The following NQO1 variants were observed in gnomAD, a reference collection of about 807,000 sequenced individuals.
NQO1 encodes the protein NAD(P)H quinone dehydrogenase 1.
Under a neutral mutation model 32.1 loss-of-function variants are expected in NQO1, and 30 were observed. The observed-to-expected ratio is 0.94, with a 90% CI of 0.70 to 1.27. The LOEUF is 1.27. NQO1 is among the 50% of genes most tolerant of loss of function. The pLI, the probability that NQO1 is intolerant of heterozygous loss-of-function variation, is 0.00. For missense variants in NQO1, 276 were observed against 331.3 expected (o/e 0.83, Z 1.30); for synonymous variants, 109 against 119.7 (o/e 0.91, Z 0.59).
At chr16:69,712,194 T>C (rs2038050567) in intron 5 of NQO1, among the ~76,000 whole-genome samples, 1 of 151,876 alleles carries the variant, frequency 6.6e-6, no homozygotes, top group African/African-American at 2.4e-5. Flanking sequence ...TCTCTCACTT[T>C]AGACTCCCAA....
In NQO1 at chr16:69,718,733, A is replaced by G. The variant is rs534499002; in HGVS notation, c.8-199T>C. Among the ~76,000 whole-genome samples the G allele has an allele frequency of 1.6e-4, 25 of 152,350 alleles. No homozygotes were observed. The South Asian group carries it at 4.8e-3, about 29-fold the overall frequency. The stretch of plus-strand genomic sequence containing the variant: ...AAGGAAGCATTTAAATCAGTGGCTG[A>G]TTTAATAAATAATGTTGACAACTGG... On this transcript the variant is annotated intron_variant, in intron 1 of 5. Coordinates refer to ENST00000320623, the MANE Select transcript of NQO1 (RefSeq NM_000903.3).
At position 69,726,528 on chromosome 16, in the gene NQO1, G is replaced by A. The variant is rs572660809; in HGVS notation, c.-89C>T. 5.8e-6 allele frequency: 9 copies of A among 1,559,070 alleles called. No individual in the cohort carries two copies. Among genetic ancestry groups the A allele is most frequent in the African/African-American group, 2.7e-5 (2 of 73,464 alleles). On this transcript the variant is annotated 5_prime_UTR_variant, in exon 1 of 6. Coordinates refer to ENST00000320623, the MANE Select transcript of NQO1 (RefSeq NM_000903.3). ...GAACTAGGCTCTCGGTGAGCTGGGC[G>A]GCTCCGGCTGCAACCTTGTGGGAGT...
At chr16:69,712,452 C>T (rs749057668) in intron 5 of NQO1, among the ~76,000 whole-genome samples, 5 of 152,116 alleles carry the variant, frequency 3.3e-5, no homozygotes, top group Non-Finnish European at 7.3e-5. Flanking sequence ...GAGACCAGGG[C>T]CCACGGCTAT....
chr16:69,719,956 T>A (rs1054496253), intron 1 of NQO1, among the ~76,000 whole-genome samples: 6 of 151,628 alleles, frequency 4.0e-5, no homozygotes, highest in Admixed American at 1.3e-4. Context: ...TAAAAAAAAA[T>A]TTTTAGAGAC....
At position 69,718,483 on chromosome 16, in the gene NQO1, T is replaced by G; in HGVS notation, c.59A>C (p.Tyr20Ser). Residue 20 changes from tyrosine (Y) to serine (S), a missense_variant, in exon 2 of 6, where the codon TAT (tyrosine) becomes TCT (serine). Coordinates refer to ENST00000320623, the MANE Select transcript of NQO1 (RefSeq NM_000903.3). The stretch of plus-strand genomic sequence containing the variant: ...CGCTGCAGCAGCCTCCTTCATGGCA[T>G]AGTTGAAGGACGTCCTCTCTGAGTG... ...LAHSERTSFN[Y>S]AMKEAAAAAL... The G allele has an allele frequency of 6.2e-7, 1 of 1,614,158 alleles. No homozygotes were observed. The highest frequency in any genetic ancestry group is 8.5e-7 in the Non-Finnish European group (1 of 1,180,036).
In NQO1 at chr16:69,709,714, C is replaced by A. The variant is rs993945431; in HGVS notation, c.*1262G>T. The A allele has an allele frequency of 2.5e-6, 1 of 398,198 alleles. No individual in the cohort carries two copies. Among genetic ancestry groups the A allele is most frequent in the Non-Finnish European group, 4.4e-6 (1 of 225,980 alleles). 24.7% of individuals were successfully genotyped at this position (398,198 alleles called of 1,614,324 possible). On this transcript the variant is annotated 3_prime_UTR_variant, in exon 6 of 6. Transcript: ENST00000320623. ...GAGGGCAGTGTTTTATCATATTCTC[C>A]TTGAATTATATAATACCAACAGTGG...
intron 3 of NQO1, among the ~76,000 whole-genome samples, chr16:69,715,988 G>C (rs2038107284): frequency 6.6e-6 from 1 of 151,824 alleles, no homozygotes; most frequent in Non-Finnish European, 1.5e-5. Flanking sequence ...GCAACAAAGT[G>C]AGACTTTGTC....
At chr16:69,713,245 A>G in intron 4 of NQO1, 116 bp from the exon 5 acceptor site, 1 of 763,736 alleles carries the variant, frequency 1.3e-6, no homozygotes, top group South Asian at 1.7e-5. Flanking sequence ...TTTGCTGTTT[A>G]TATTACTTCA....
intron 1 of NQO1, among the ~76,000 whole-genome samples, chr16:69,725,168 A>C (rs1053299292): frequency 3.3e-5 from 5 of 152,204 alleles, no homozygotes; most frequent in African/African-American, 1.2e-4. Flanking sequence ...TCCCCAGCTT[A>C]GTCCCTTTCT....
At chr16:69,718,669 G>A in intron 1 of NQO1, 135 bp from the exon 2 acceptor site, 1 of 767,886 alleles carries the variant, frequency 1.3e-6, no homozygotes, top group East Asian at 2.6e-5. Flanking sequence ...ATCTCCTGTA[G>A]CCAGAAATGT....
Position 69,726,421 on chromosome 16 carries a change from T to C in NQO1, c.7+12A>G. ...GACGACCGCCAAGCACCCCGCCCTT[T>C]GCAGCACTCACCGACCATGGCTCTG... On this transcript the variant is annotated intron_variant, in intron 1 of 5. Transcript: ENST00000320623. 2 of 1,612,236 alleles carry C rather than the reference T, an allele frequency of 1.2e-6. No homozygotes were observed. The highest frequency in any genetic ancestry group is 1.7e-6 in the Non-Finnish European group (2 of 1,179,504).
At chr16:69,724,282 C>G (rs2038231628) in intron 1 of NQO1, among the ~76,000 whole-genome samples, 2 of 152,152 alleles carry the variant, frequency 1.3e-5, no homozygotes, top group Non-Finnish European at 1.5e-5. Context: ...CACTGCACTA[C>G]AGCCTGGGCA....
At chr16:69,719,599 C>A (rs2038163092) in intron 1 of NQO1, among the ~76,000 whole-genome samples, 1 of 151,570 alleles carries the variant, frequency 6.6e-6, no homozygotes, top group Admixed American at 6.6e-5. Context: ...CATGGTGAAA[C>A]CCTGTCTCTA....
In NQO1 at chr16:69,711,050, T is replaced by G. The variant is rs1452792661; in HGVS notation, c.751A>C (p.Lys251Gln). The G allele has an allele frequency of 1.2e-6, 2 of 1,614,216 alleles. No individual in the cohort carries two copies. Among genetic ancestry groups the G allele is most frequent in the Non-Finnish European group, 1.7e-6 (2 of 1,180,032 alleles). ...KEVQDEEKNKKFGLSVGHHLG... is the reference protein window; with the variant it reads ...KEVQDEEKNKQFGLSVGHHLG... ...TGATGGCCCACAGAAAGGCCAAATT[T>G]CTTGTTTTTCTCCTCATCCTGTACC... Residue 251 changes from lysine to glutamine, a missense_variant, in exon 6 of 6, where the codon AAA (lysine) becomes CAA (glutamine). Physicochemically the swap from Lys to Gln is moderately conservative, Grantham distance 53. Transcript: ENST00000320623.
intron 1 of NQO1, among the ~76,000 whole-genome samples, chr16:69,723,693 T>C (rs774779555): frequency 6.6e-6 from 1 of 151,316 alleles, no homozygotes; most frequent in Non-Finnish European, 1.5e-5. Context: ...TCCCAGCTAA[T>C]CGGGAGGCTG....
At chr16:69,724,479 C>T (rs2038234904) in intron 1 of NQO1, among the ~76,000 whole-genome samples, 1 of 151,836 alleles carries the variant, frequency 6.6e-6, no homozygotes, top group African/African-American at 2.4e-5. Flanking sequence ...AGGAATGAGC[C>T]ACCACTCCCA....
At chr16:69,713,894 G>GTTTTTTTTTTTTTTGTTTTTTTTTTTTTT (rs1597597095) in intron 4 of NQO1, among the ~76,000 whole-genome samples, 3 of 89,546 alleles carry the variant, frequency 3.4e-5, no homozygotes, top group South Asian at 9.2e-4. Flanking sequence ...TTTTGTTTTT[G>GTTTTTTTTTTTTTTGTTTTTTTTTTTTTT]ATATGGAGGC....
intron 5 of NQO1, 34 bp from the exon 6 acceptor site, chr16:69,711,315 A>G (rs771505741): frequency 7.0e-6 from 11 of 1,569,602 alleles, no homozygotes; most frequent in African/African-American, 1.4e-5. Flanking sequence ...AGGTAAGTCA[A>G]CCAATTCCAT....
At chr16:69,714,078 C>T (rs1050123836) in intron 4 of NQO1, among the ~76,000 whole-genome samples, 7 of 151,908 alleles carry the variant, frequency 4.6e-5, no homozygotes, top group Admixed American at 3.9e-4. Context: ...GGGGTTTCGC[C>T]GTGTTAGGCA....
Sources: gnomAD v4.1 joint callset for allele counts (sites outside exome capture counted in the v4.1 genomes callset) on GRCh38, gnomAD v4.1.1 for gene constraint, MANE v1.5 for transcripts, NCBI Gene and HGNC (gene_info 2026-07-23, HGNC 2026-07-21) for gene names.